PLAUR: variants seen among roughly 807,000 people sequenced by gnomAD.
PLAUR encodes the protein plasminogen activator, urokinase receptor, also known as urokinase plasminogen activator surface receptor.
PLAUR carries 22 observed loss-of-function variants against 33.4 expected under a neutral mutation model. The ratio of observed to expected loss-of-function variants is 0.66; its 90% CI spans 0.47 to 0.94. PLAUR has a LOEUF of 0.94. PLAUR is among the 40% of genes least tolerant of loss of function. PLAUR has a pLI of 0.00. For missense variants in PLAUR, 408 were observed against 434.7 expected (o/e 0.94, Z 0.55); for synonymous variants, 148 against 167.3 (o/e 0.88, Z 0.89).
chr19:43,666,532 CCT>C (rs1429710688), intron 2 of PLAUR, among the ~76,000 whole-genome samples: 5 of 137,998 alleles, frequency 3.6e-5, no homozygotes, highest in African/African-American at 1.3e-4. Flanking sequence ...TCCCTCCCTT[CCT>C]CTCTCTCTTT....
chr19:43,660,487 TTTA>T, intron 3 of PLAUR: 1 of 152,144 alleles, frequency 6.6e-6, no homozygotes. Context: ...TTTTTTTTTT[TTTA>T]AAGATGGGGT....
At chr19:43,667,199 T>C (rs1283378227) in intron 2 of PLAUR, 2 of 210,722 alleles carry the variant, frequency 9.5e-6, no homozygotes, top group East Asian at 1.3e-4. Flanking sequence ...CAATTTTCCA[T>C]GTCACAAACA....
At chr19:43,665,534 G>A (rs1967195308) in intron 2 of PLAUR, 75 bp from the exon 3 acceptor site, 9 of 1,471,724 alleles carry the variant, frequency 6.1e-6, no homozygotes, top group Non-Finnish European at 7.6e-6. Context: ...TGGTCTCAAG[G>A]TCATCCACTC....
intron 3 of PLAUR, among the ~76,000 whole-genome samples, chr19:43,663,916 G>C (rs1340842850): frequency 6.6e-6 from 1 of 151,264 alleles, no homozygotes; most frequent in Non-Finnish European, 1.5e-5. Context: ...GCTGCTCTAA[G>C]CTCCTGGTGG....
rs1301980579 is a variant in PLAUR, at chr19:43,656,515, C to A, written c.436G>T (p.Asp146Tyr). ...TCCTGGATCCAGTGGGTCACCACAT[C>A]CAGGCACTGTTCTTCAGGGCTGCGG... ...QCRSPEEQCL[D>Y]VVTHWIQEGE... The change falls in exon 4 of 7, where the codon GAT becomes TAT. Residue 146 changes from aspartate (D) to tyrosine (Y), a missense_variant. Physicochemically the swap from Asp to Tyr is radical, Grantham distance 160. Transcript: ENST00000340093. 8 of 1,608,806 alleles carry A rather than the reference C, an allele frequency of 5.0e-6. No homozygotes were observed. In the African/African-American group the frequency reaches 8.0e-5, roughly 16 times the overall value.
At position 43,649,107 on chromosome 19, in the gene PLAUR, G is replaced by A; in HGVS notation, c.791C>T (p.Ala264Val). 2 of 1,613,806 alleles carry A rather than the reference G, an allele frequency of 1.2e-6. No individual in the cohort carries two copies. Among genetic ancestry groups the A allele is most frequent in the Non-Finnish European group, 1.7e-6 (2 of 1,179,652 alleles). ...KNQSYMVRGC[A>V]TASMCQHAHL... ...GGCATGTTGGCACATTGAGGCGGTTGCACAGCCTCTTACCATATAGCTTTG... is the reference window on the plus strand; with the variant it reads ...GGCATGTTGGCACATTGAGGCGGTTACACAGCCTCTTACCATATAGCTTTG... The change falls in exon 7 of 7, where the codon GCA (alanine) becomes GTA (valine). Residue 264 changes from alanine (A) to valine (V), a missense_variant. Ala to Val is a moderately conservative substitution (Grantham distance 64). Coordinates refer to ENST00000340093, the MANE Select transcript of PLAUR (RefSeq NM_002659.4).
At chr19:43,665,565 G>C in intron 2 of PLAUR, 106 bp from the exon 3 acceptor site, 1 of 1,131,402 alleles carries the variant, frequency 8.8e-7, no homozygotes, top group South Asian at 1.4e-5. Context: ...TCTCTGCTAG[G>C]CCTCTTCTGT....
Position 43,652,335 on chromosome 19 carries a change from T to A in PLAUR, c.644A>T (p.Gln215Leu), listed in dbSNP as rs200560532. ...ELENLPQNGRQCYSCKGNSTH... is the reference protein window; with the variant it reads ...ELENLPQNGRLCYSCKGNSTH... Reference sequence around the variant, plus strand: ...GCTGTTCCCCTTGCAGCTGTAACACTGGCGGCCATTCTGCGGCAGATTTTC... The same window carrying A: ...GCTGTTCCCCTTGCAGCTGTAACACAGGCGGCCATTCTGCGGCAGATTTTC... The change falls in exon 6 of 7, where the codon CAG becomes CTG. Residue 215 changes from glutamine (Q) to leucine (L), a missense_variant. Gln to Leu is a moderately radical substitution (Grantham distance 113). Coordinates refer to ENST00000340093, the MANE Select transcript of PLAUR (RefSeq NM_002659.4). 4.7e-5 allele frequency: 76 copies of A among 1,614,100 alleles called. No homozygotes were observed. The highest frequency in any genetic ancestry group is 6.0e-5 in the Non-Finnish European group (71 of 1,179,992).
chr19:43,657,077 G>A (rs1373377604), intron 3 of PLAUR, among the ~76,000 whole-genome samples: 1 of 151,704 alleles, frequency 6.6e-6, no homozygotes, highest in Non-Finnish European at 1.5e-5. Flanking sequence ...CCGAATAGCT[G>A]GGACTACAGG....
At chr19:43,655,771 G>A (rs1399411841) in intron 4 of PLAUR, among the ~76,000 whole-genome samples, 198 bp from the exon 5 acceptor site, 2 of 152,146 alleles carry the variant, frequency 1.3e-5, no homozygotes, top group African/African-American at 2.4e-5. Flanking sequence ...GATGAAGTTC[G>A]GACTAATGTG....
chr19:43,651,128 G>T (rs1338638605), intron 6 of PLAUR, among the ~76,000 whole-genome samples: 2 of 151,342 alleles, frequency 1.3e-5, no homozygotes, highest in African/African-American at 2.4e-5. Flanking sequence ...GCCCAGGCTG[G>T]AGTGCAATGG....
intron 3 of PLAUR, among the ~76,000 whole-genome samples, chr19:43,664,274 C>T (rs1054737813): frequency 3.3e-5 from 5 of 152,294 alleles, no homozygotes; most frequent in East Asian, 1.9e-4. Flanking sequence ...CCAGTGCAAA[C>T]GCAGCACTCT....
At chr19:43,659,838 A>G (rs575841014) in intron 3 of PLAUR, among the ~76,000 whole-genome samples, 1 of 152,262 alleles carries the variant, frequency 6.6e-6, no homozygotes, top group South Asian at 2.1e-4. Flanking sequence ...GACCTCTATC[A>G]AGCATAACTG....
At chr19:43,669,162 GCC>G (rs1040021587) in intron 1 of PLAUR, among the ~76,000 whole-genome samples, 51 of 152,336 alleles carry the variant, frequency 3.3e-4, no homozygotes, top group African/African-American at 1.2e-3. Context: ...TCGACCCAGA[GCC>G]CCCCACATTT....
intron 3 of PLAUR, among the ~76,000 whole-genome samples, chr19:43,662,604 C>A (rs1420071157): frequency 6.6e-6 from 1 of 152,202 alleles, no homozygotes; most frequent in African/African-American, 2.4e-5. Context: ...GTGTAACATG[C>A]CCCTGCCAAG....
intron 6 of PLAUR, among the ~76,000 whole-genome samples, chr19:43,649,594 AAGGAAGGG>A (rs1302254320): frequency 6.7e-6 from 1 of 148,262 alleles, no homozygotes; most frequent in Admixed American, 6.9e-5. Context: ...GGGAGGGAAG[AAGGAAGGG>A]AGGAAGGGAA....
At chr19:43,665,838 A>T (rs1159879341) in intron 2 of PLAUR, among the ~76,000 whole-genome samples, 1 of 148,088 alleles carries the variant, frequency 6.8e-6, no homozygotes, top group African/African-American at 2.5e-5. Flanking sequence ...TAATTTTTAA[A>T]TTTTTTATAC....
intron 5 of PLAUR, 105 bp downstream of exon 5, chr19:43,655,334 G>A: frequency 7.4e-5 from 60 of 807,728 alleles, no homozygotes; most frequent in South Asian, 2.6e-4. Context: ...AAAGCAAACA[G>A]AGGCCCAGAG....
At chr19:43,668,791 A>T (rs1205221215) in intron 1 of PLAUR, among the ~76,000 whole-genome samples, 2 of 147,600 alleles carry the variant, frequency 1.4e-5, no homozygotes, top group East Asian at 2.1e-4. Flanking sequence ...CCCTCTGGTT[A>T]CGCCTCGAGG....
Sources: gnomAD v4.1 joint callset for allele counts (sites outside exome capture counted in the v4.1 genomes callset) on GRCh38, gnomAD v4.1.1 for gene constraint, MANE v1.5 for transcripts, NCBI Gene and HGNC (gene_info 2026-07-23, HGNC 2026-07-21) for gene names.